The following DOK6 variants were observed in gnomAD, a reference collection of about 807,000 sequenced individuals.
The protein encoded by DOK6 is docking protein 6.
A neutral mutation model predicts 44.0 loss-of-function variants in DOK6; 22 were observed. The observed-to-expected ratio is 0.50, with a 90% CI of 0.36 to 0.71. The LOEUF is 0.71. DOK6 is among the 30% of genes least tolerant of loss of function. The probability of loss-of-function intolerance (pLI) is 0.00; values close to 1 mark genes in which losing one functional copy is unlikely to be tolerated. For synonymous variants in DOK6, 166 were observed against 145.5 expected (o/e 1.14, Z -1.01); for missense variants, 340 against 416.4 (o/e 0.82, Z 1.60).
intron 1 of DOK6, among the ~76,000 whole-genome samples, chr18:69,462,960 T>C (rs1979827173): frequency 6.6e-6 from 1 of 152,172 alleles, no homozygotes; most frequent in African/African-American, 2.4e-5. Context: ...TAAAAGGAAA[T>C]TGGAATTTAG....
chr18:69,733,179 C>A (rs1366231957), intron 5 of DOK6, among the ~76,000 whole-genome samples: 1 of 146,818 alleles, frequency 6.8e-6, no homozygotes, highest in East Asian at 1.9e-4. Flanking sequence ...TAGAGTGAGA[C>A]CTTGTCTCTA....
At chr18:69,473,467 C>T (rs1408065394) in intron 1 of DOK6, among the ~76,000 whole-genome samples, 2 of 152,120 alleles carry the variant, frequency 1.3e-5, no homozygotes, top group African/African-American at 4.8e-5. Context: ...TGGTTCCTGT[C>T]GTGGTTGAGG....
At chr18:69,683,153 C>A (rs1986079706) in intron 4 of DOK6, among the ~76,000 whole-genome samples, 1 of 151,046 alleles carries the variant, frequency 6.6e-6, no homozygotes, top group South Asian at 2.1e-4. Context: ...TGAACAAAAC[C>A]AACTTTTGCA....
chr18:69,494,923 G>T (rs1454685607), intron 1 of DOK6, among the ~76,000 whole-genome samples: 2 of 152,158 alleles, frequency 1.3e-5, no homozygotes, highest in African/African-American at 4.8e-5. Context: ...ACTTAGCTTG[G>T]CAGGCTCTAC....
At chr18:69,436,608 T>C (rs534066853) in intron 1 of DOK6, among the ~76,000 whole-genome samples, 1 of 152,336 alleles carries the variant, frequency 6.6e-6, no homozygotes, top group East Asian at 1.9e-4. Flanking sequence ...TGAACAGTGC[T>C]GCAATAAACA....
At chr18:69,654,257 G>T (rs1985306569) in intron 3 of DOK6, among the ~76,000 whole-genome samples, 1 of 152,304 alleles carries the variant, frequency 6.6e-6, no homozygotes, top group Non-Finnish European at 1.5e-5. Flanking sequence ...AAGTTTAAGA[G>T]AAAAAGAGAT....
Position 69,653,793 on chromosome 18 carries a change from T to C in DOK6, c.290-23941T>C, listed in dbSNP as rs541218740. ...GTCATCTGGGCAGAGATAAACATCA[T>C]TGAGATCCTCAAATTATCGCTATAA... On this transcript the variant is annotated intron_variant, in intron 3 of 7. Coordinates refer to ENST00000382713, the MANE Select transcript of DOK6 (RefSeq NM_152721.6). Among the ~76,000 whole-genome samples, 62 of 152,248 alleles carry C rather than the reference T, an allele frequency of 4.1e-4. No homozygotes were observed. The South Asian group carries it at 0.011, about 27-fold the overall frequency.
At chr18:69,631,517 A>G (rs1984689458) in intron 3 of DOK6, among the ~76,000 whole-genome samples, 1 of 152,198 alleles carries the variant, frequency 6.6e-6, no homozygotes, top group Non-Finnish European at 1.5e-5. Context: ...CAGCTGAGTC[A>G]TGTACAGTAC....
chr18:69,722,965 CATGTTTTA>C (rs998690514), intron 5 of DOK6, among the ~76,000 whole-genome samples: 2 of 152,114 alleles, frequency 1.3e-5, no homozygotes, highest in African/African-American at 4.8e-5. Context: ...AAGGAAAATT[CATGTTTTA>C]AAAAGAGCCC....
At chr18:69,816,092 C>A (rs1349034168) in intron 7 of DOK6, among the ~76,000 whole-genome samples, 1 of 152,066 alleles carries the variant, frequency 6.6e-6, no homozygotes, top group East Asian at 1.9e-4. Flanking sequence ...TAGAAAAAGA[C>A]CAAACATAGC....
At chr18:69,764,536 A>G (rs752720989) in intron 7 of DOK6, among the ~76,000 whole-genome samples, 1 of 152,098 alleles carries the variant, frequency 6.6e-6, no homozygotes, top group Admixed American at 6.5e-5. Flanking sequence ...TCATGCTCCA[A>G]TTCTCTCTCC....
chr18:69,785,771 C>T (rs1013644910), intron 7 of DOK6, among the ~76,000 whole-genome samples: 6 of 152,110 alleles, frequency 3.9e-5, no homozygotes, highest in Non-Finnish European at 7.4e-5. Flanking sequence ...ATTCATTTCT[C>T]AGTTGCTTCC....
At chr18:69,558,298 C>T (rs183409375) in intron 1 of DOK6, among the ~76,000 whole-genome samples, 133 of 152,116 alleles carry the variant, frequency 8.7e-4, no homozygotes, top group Middle Eastern at 3.4e-3. Context: ...ACTTCTGGTA[C>T]GGAGGTGGCT....
At chr18:69,810,310 C>T (rs1981185074) in intron 7 of DOK6, among the ~76,000 whole-genome samples, 1 of 151,866 alleles carries the variant, frequency 6.6e-6, no homozygotes. Flanking sequence ...CAAAAATCAA[C>T]TAACAATGGA....
chr18:69,738,233 TTA>T (rs1962803253), intron 5 of DOK6, among the ~76,000 whole-genome samples: 2 of 152,362 alleles, frequency 1.3e-5, no homozygotes, highest in South Asian at 4.1e-4. Context: ...ATGAATATTT[TTA>T]TGTTATAACT....
intron 5 of DOK6, among the ~76,000 whole-genome samples, chr18:69,709,108 G>A (rs59387400): frequency 0.022 from 3,298 of 152,152 alleles, 72 homozygotes; most frequent in African/African-American, 0.057. Context: ...AGAACATTTC[G>A]TGAAATCTTC....
At chr18:69,644,297 G>A (rs1430657278) in intron 3 of DOK6, among the ~76,000 whole-genome samples, 1 of 151,932 alleles carries the variant, frequency 6.6e-6, no homozygotes, top group Non-Finnish European at 1.5e-5. Context: ...TTCTTTTTAT[G>A]AGTCATTCTT....
chr18:69,621,942 G>A (rs1446867354), intron 3 of DOK6, among the ~76,000 whole-genome samples: 2 of 152,032 alleles, frequency 1.3e-5, no homozygotes, highest in African/African-American at 4.8e-5. Context: ...TATATTTATT[G>A]TACTTGCTTC....
intron 1 of DOK6, among the ~76,000 whole-genome samples, chr18:69,562,280 G>GT (rs1009388363): frequency 6.4e-4 from 97 of 151,116 alleles, no homozygotes; most frequent in Middle Eastern, 3.4e-3. Context: ...AGTAGTCTGG[G>GT]TTTTTTTTTC....
Sources: allele counts gnomAD v4.1 joint callset (sites outside exome capture counted in the v4.1 genomes callset), GRCh38; gene constraint gnomAD v4.1.1; transcripts MANE v1.5; gene names NCBI Gene and HGNC (gene_info 2026-07-23, HGNC 2026-07-21).